CHD7: variants seen among roughly 807,000 people sequenced by gnomAD.
The protein encoded by CHD7 is chromodomain helicase DNA binding protein 7.
In CHD7, 24 loss-of-function variants were observed where a neutral mutation model predicts 307.3. That is an observed-to-expected ratio of 0.08 (90% confidence interval 0.06 to 0.11). CHD7 has a LOEUF of 0.11. Among genes scored for constraint, CHD7 ranks in the 10% least tolerant of loss-of-function variants. CHD7 has a pLI of 1.00. For synonymous variants in CHD7, 1,363 were observed against 1,349.9 expected, an observed-to-expected ratio of 1.01 and a Z score of -0.21; for missense variants, 3,106 against 3,727.1, an observed-to-expected ratio of 0.83 and a Z score of 4.34.
At chr8:60,762,003 G>GAC (rs1385760308) in intron 2 of CHD7, among the ~76,000 whole-genome samples, 26 of 152,204 alleles carry the variant, frequency 1.7e-4, no homozygotes, top group Non-Finnish European at 3.4e-4. Context: ...GAGTACTGTT[G>GAC]TATTCTCTTT....
chr8:60,787,963 A>G (rs1020897587), intron 3 of CHD7, among the ~76,000 whole-genome samples: 1 of 151,250 alleles, frequency 6.6e-6, no homozygotes, highest in African/African-American at 2.4e-5. Flanking sequence ...TTGGGTCTAC[A>G]GGCATGCACC....
At chr8:60,716,895 C>T (rs751856508) in intron 1 of CHD7, among the ~76,000 whole-genome samples, 2 of 152,102 alleles carry the variant, frequency 1.3e-5, no homozygotes, top group Admixed American at 6.5e-5. Context: ...ATAGTATAGC[C>T]GATGAAACTT....
intron 34 of CHD7, 134 bp from the exon 35 acceptor site, chr8:60,860,770 C>G (rs1805932352): frequency 2.7e-6 from 2 of 735,630 alleles, no homozygotes; most frequent in East Asian, 2.7e-5. Flanking sequence ...TCCCAAACAA[C>G]TAGACATTGT....
At chr8:60,796,279 G>A (rs555858011) in intron 4 of CHD7, among the ~76,000 whole-genome samples, 2 of 152,298 alleles carry the variant, frequency 1.3e-5, no homozygotes, top group South Asian at 4.1e-4. Flanking sequence ...GAAAGATATT[G>A]GGAAGGTAAG....
intron 5 of CHD7, among the ~76,000 whole-genome samples, chr8:60,801,093 G>GT (rs778051527): frequency 2.0e-5 from 3 of 152,076 alleles, no homozygotes; most frequent in Admixed American, 6.5e-5. Flanking sequence ...ATTTTATTTG[G>GT]TAATTTGTTC....
chr8:60,831,635 G>A (rs1354441190), intron 15 of CHD7, among the ~76,000 whole-genome samples: 1 of 151,740 alleles, frequency 6.6e-6, no homozygotes, highest in Non-Finnish European at 1.5e-5. Context: ...ATGGGAGGAG[G>A]AAAGACAGAC....
At chr8:60,786,003 C>A (rs954210317) in intron 3 of CHD7, among the ~76,000 whole-genome samples, 17 of 152,110 alleles carry the variant, frequency 1.1e-4, no homozygotes, top group Admixed American at 1.0e-3. Context: ...ATCTTTGAGC[C>A]CTTTCAGTGT....
chr8:60,819,251 C>A lies in CHD7; in HGVS notation c.2614-756C>A, dbSNP rs957537317. The stretch of plus-strand genomic sequence containing the variant: ...TACAGGCGTGAGTCACTGTGCCCAG[C>A]CTATAACTTTTTTTTGAGTCATATT... On this transcript the variant is annotated intron_variant, in intron 8 of 37. Transcript: ENST00000423902. 5.3e-5 allele frequency among the ~76,000 whole-genome samples: 8 copies of A among 152,278 alleles called. 1 individual carries two copies. In the South Asian group the frequency reaches 1.7e-3, roughly 32 times the overall value.
chr8:60,807,693 A>G (rs894131363), intron 6 of CHD7, among the ~76,000 whole-genome samples: 2 of 152,380 alleles, frequency 1.3e-5, no homozygotes, highest in Middle Eastern at 3.4e-3. Flanking sequence ...CTGAAATTAC[A>G]GCATAAGAAC....
Position 60,742,442 on chromosome 8 carries a change from A to G in CHD7, c.1010A>G (p.Asn337Ser). 6.2e-7 allele frequency: 1 copy of G among 1,614,004 alleles called. No homozygotes were observed. The highest frequency in any genetic ancestry group is 8.5e-7 in the Non-Finnish European group (1 of 1,179,888). ...AATCAAAATTTAGGCCTTACAAATAATACTCCAATGAATCAGTCCGTACCA... is the reference window on the plus strand; with the variant it reads ...AATCAAAATTTAGGCCTTACAAATAGTACTCCAATGAATCAGTCCGTACCA... ...GMNQNLGLTNNTPMNQSVPRY... is the reference protein window; with the variant it reads ...GMNQNLGLTNSTPMNQSVPRY... Residue 337 changes from asparagine (N) to serine (S), a missense_variant, in exon 2 of 38, where the codon AAT becomes AGT. Physicochemically the swap from Asn to Ser is conservative, Grantham distance 46 (BLOSUM62 1). Around this residue, in one of 10 missense-constraint regions of CHD7, gnomAD observed 998 missense variants for 1,004.5 expected, o/e 0.99. Transcript: ENST00000423902.
chr8:60,707,439 G>A (rs978976576), intron 1 of CHD7, among the ~76,000 whole-genome samples: 63 of 151,480 alleles, frequency 4.2e-4, no homozygotes, highest in Admixed American at 3.2e-3. Context: ...GTTCACACAC[G>A]TGTTCCCTGT....
rs536542908 is a variant in CHD7, at chr8:60,819,879, A to G, written c.2614-128A>G. On this transcript the variant is annotated intron_variant, in intron 8 of 37. Transcript: ENST00000423902. ...AAATTGTAGCATTTCAATTAATATA[A>G]TAGAATTTGCCAAATGTAAGTTTTA... The G allele has an allele frequency of 1.5e-4, 100 of 652,312 alleles. No homozygotes were observed. In the South Asian group the frequency reaches 2.0e-3, roughly 13 times the overall value. 40.4% of individuals were successfully genotyped at this position (652,312 alleles called of 1,614,324 possible).
At position 60,821,867 on chromosome 8, in the gene CHD7, T is replaced by A. The variant is rs749781431; in HGVS notation, c.2775T>A (p.Asp925Glu). ...CGTGGGAGCGGAGGCAGGACATAGA[T>A]CAAGCAAAGATCGAGGAGTTTGAGA... ...DSTWERRQDI[D>E]QAKIEEFEKL... Residue 925 changes from aspartate (D) to glutamate (E), a missense_variant, in exon 10 of 38, where the codon GAT becomes GAA. This residue lies in a region of CHD7 where 188 missense variants were observed against 261.7 expected (regional missense o/e 0.72). Coordinates refer to ENST00000423902, the MANE Select transcript of CHD7 (RefSeq NM_017780.4). 2 of 1,606,402 alleles carry A rather than the reference T, an allele frequency of 1.2e-6. No homozygotes were observed. Among genetic ancestry groups the A allele is most frequent in the Admixed American group, 1.7e-5 (1 of 58,788 alleles).
At chr8:60,804,751 G>A (rs1206918601) in intron 6 of CHD7, among the ~76,000 whole-genome samples, 1 of 152,172 alleles carries the variant, frequency 6.6e-6, no homozygotes, top group East Asian at 1.9e-4. Context: ...CATAGGAAAG[G>A]CCTAAGTTAG....
chr8:60,757,718 TGTTA>T (rs1809965592), intron 2 of CHD7, among the ~76,000 whole-genome samples: 1 of 152,216 alleles, frequency 6.6e-6, no homozygotes, highest in South Asian at 2.1e-4. Flanking sequence ...AAGATGACAG[TGTTA>T]GTTCTGATAG....
intron 34 of CHD7, among the ~76,000 whole-genome samples, chr8:60,859,927 T>A (rs1006207551): frequency 1.3e-5 from 2 of 152,176 alleles, no homozygotes; most frequent in African/African-American, 4.8e-5. Context: ...GAAAACTGAC[T>A]CCAGCGTAGT....
At chr8:60,774,769 TCAGA>T (rs929269491) in intron 2 of CHD7, among the ~76,000 whole-genome samples, 32 of 152,346 alleles carry the variant, frequency 2.1e-4, no homozygotes, top group African/African-American at 7.5e-4. Flanking sequence ...TTAGAATTTC[TCAGA>T]CATTTAGAAA....
At chr8:60,801,665 T>G (rs1812322926) in intron 6 of CHD7, 72 bp downstream of exon 6, 14 of 991,312 alleles carry the variant, frequency 1.4e-5, no homozygotes, top group Non-Finnish European at 1.7e-5. Context: ...CTTTGTAATT[T>G]TCTTTTAAAA....
intron 35 of CHD7, chr8:60,861,346 G>A (rs1479872458): frequency 6.8e-5 from 33 of 486,858 alleles, no homozygotes; most frequent in Middle Eastern, 5.2e-4. Flanking sequence ...TTGAAGATGC[G>A]CGTTATGCAT....
Sources: allele counts gnomAD v4.1 joint callset (sites outside exome capture counted in the v4.1 genomes callset), GRCh38; gene constraint gnomAD v4.1.1; regional missense constraint gnomAD v4.1.1; transcripts MANE v1.5; gene names NCBI Gene and HGNC (gene_info 2026-07-23, HGNC 2026-07-21).